Variants in SEMA3D observed in about 807,000 individuals in gnomAD.
SEMA3D encodes semaphorin 3D.
Under a neutral mutation model 100.1 loss-of-function variants are expected in SEMA3D, and 84 were observed. That is an observed-to-expected ratio of 0.84 (90% CI 0.70 to 1.01). The LOEUF (loss-of-function observed/expected upper bound fraction) is 1.01, where lower values mean the gene tolerates loss of function less well. SEMA3D is among the 50% of genes least tolerant of loss of function. The pLI, the probability that SEMA3D is intolerant of heterozygous loss-of-function variation, is 0.00. For synonymous variants in SEMA3D, 312 were observed against 320.7 expected (o/e 0.97, Z 0.29); for missense variants, 875 against 934.1 (o/e 0.94, Z 0.82).
chr7:85,027,135 A>C (rs572178945), intron 12 of SEMA3D, among the ~76,000 whole-genome samples: 7 of 152,114 alleles, frequency 4.6e-5, no homozygotes, highest in Non-Finnish European at 1.0e-4. Flanking sequence ...AGAGTAAAAA[A>C]GATCTTTCTA....
chr7:85,031,675 TG>T (rs1009096533), intron 12 of SEMA3D, among the ~76,000 whole-genome samples: 10 of 151,964 alleles, frequency 6.6e-5, no homozygotes, highest in Admixed American at 4.6e-4. Flanking sequence ...TTACCTTCGC[TG>T]GGCTTGTTTC....
At chr7:85,048,893 T>C (rs1323427344) in intron 9 of SEMA3D, among the ~76,000 whole-genome samples, 1 of 151,830 alleles carries the variant, frequency 6.6e-6, no homozygotes. Flanking sequence ...CAAATATCTC[T>C]TCACTTACTT....
the SEMA3D span, among the ~76,000 whole-genome samples, chr7:85,236,416 T>A: frequency 2.0e-5 from 3 of 151,816 alleles, no homozygotes; most frequent in East Asian, 5.8e-4. Context: ...CAAGCAATGC[T>A]CCTGTCTCAG....
intron 5 of SEMA3D, among the ~76,000 whole-genome samples, chr7:85,074,670 G>C (rs1043143930): frequency 6.6e-6 from 1 of 151,472 alleles, no homozygotes; most frequent in African/African-American, 2.4e-5. Context: ...GGCTGCTGGA[G>C]TAGTGGTGCG....
intron 2 of SEMA3D, among the ~76,000 whole-genome samples, chr7:85,127,950 C>T (rs1237381773): frequency 6.6e-6 from 1 of 151,748 alleles, no homozygotes; most frequent in African/African-American, 2.4e-5. Context: ...AATGTCTGCA[C>T]TCAAAACATA....
At chr7:85,174,305 T>A (rs1791166209) in intron 1 of SEMA3D, among the ~76,000 whole-genome samples, 1 of 152,138 alleles carries the variant, frequency 6.6e-6, no homozygotes, top group Non-Finnish European at 1.5e-5. Flanking sequence ...CAGTGACTAT[T>A]ACAGTGCCTG....
the SEMA3D span, among the ~76,000 whole-genome samples, chr7:85,201,330 C>A: frequency 6.6e-6 from 1 of 152,142 alleles, no homozygotes; most frequent in African/African-American, 2.4e-5. Context: ...CATTACAATT[C>A]CCCAGTAGTC....
the SEMA3D span, among the ~76,000 whole-genome samples, chr7:85,201,857 C>T: frequency 6.6e-6 from 1 of 152,010 alleles, no homozygotes; most frequent in African/African-American, 2.4e-5. Context: ...TCCTGAGTAG[C>T]TGGGACTACA....
chr7:85,047,418 A>T (rs1791040810), intron 9 of SEMA3D, among the ~76,000 whole-genome samples: 1 of 151,890 alleles, frequency 6.6e-6, no homozygotes, highest in African/African-American at 2.4e-5. Flanking sequence ...CAGCTGTCAC[A>T]CATGAACTTT....
At chr7:85,082,684 T>C (rs1366898409) in intron 4 of SEMA3D, among the ~76,000 whole-genome samples, 1 of 152,234 alleles carries the variant, frequency 6.6e-6, no homozygotes, top group African/African-American at 2.4e-5. Context: ...AAGTCATCAA[T>C]GTTTATATGA....
intron 18 of SEMA3D, among the ~76,000 whole-genome samples, chr7:85,003,254 C>T (rs1789702608): frequency 6.6e-6 from 1 of 151,886 alleles, no homozygotes; most frequent in African/African-American, 2.4e-5. Context: ...TATTATACCA[C>T]AAAACCGACA....
At chr7:85,033,205 T>C (rs1000673163) in intron 12 of SEMA3D, among the ~76,000 whole-genome samples, 18 of 152,144 alleles carry the variant, frequency 1.2e-4, no homozygotes, top group Non-Finnish European at 2.9e-5. Flanking sequence ...TCTTACAGCA[T>C]AAAGACTATA....
Position 85,015,202 on chromosome 7 carries a change from A to C in SEMA3D, c.1560T>G (p.Ile520Met). 1 of 1,609,124 alleles carries C rather than the reference A, an allele frequency of 6.2e-7. No individual in the cohort carries two copies. Among genetic ancestry groups the C allele is most frequent in the Non-Finnish European group, 8.5e-7 (1 of 1,176,378 alleles). The change falls in exon 16 of 19, where the codon ATT (isoleucine) becomes ATG (methionine). Residue 520 changes from isoleucine to methionine, a missense_variant. Ile to Met is a conservative substitution (Grantham distance 10). Coordinates refer to ENST00000284136, the MANE Select transcript of SEMA3D (RefSeq NM_001384900.1). ...ELSLKQQQLY[I>M]GSRDGLVQLS... Reference sequence around the variant, plus strand: ...GCTGAACCAATCCATCTCGGGAACCAATGTACAATTGTTGCTGCAAATCGG... The same window carrying C: ...GCTGAACCAATCCATCTCGGGAACCCATGTACAATTGTTGCTGCAAATCGG...
chr7:85,009,795 C>G (rs920092625), intron 17 of SEMA3D, among the ~76,000 whole-genome samples: 2 of 151,698 alleles, frequency 1.3e-5, no homozygotes, highest in East Asian at 1.9e-4. Flanking sequence ...ATCTGAATAT[C>G]CTTCCATTTA....
At chr7:85,225,766 T>A in the SEMA3D span, among the ~76,000 whole-genome samples, 1 of 151,816 alleles carries the variant, frequency 6.6e-6, no homozygotes, top group African/African-American at 2.4e-5. Context: ...GCCTGTATGC[T>A]CCCCTAGAGG....
chr7:85,020,015 C>T (rs1030441771), intron 14 of SEMA3D, among the ~76,000 whole-genome samples: 5 of 151,554 alleles, frequency 3.3e-5, no homozygotes, highest in African/African-American at 4.8e-5. Flanking sequence ...GAGGCAATCC[C>T]GGGAGCCCTG....
chr7:85,023,273 G>A (rs974171507), intron 12 of SEMA3D, among the ~76,000 whole-genome samples: 1 of 151,682 alleles, frequency 6.6e-6, no homozygotes, highest in African/African-American at 2.4e-5. Context: ...CCTGCCCCCT[G>A]GTGGTAAGAG....
chr7:85,166,960 A>G (rs1790923226), intron 1 of SEMA3D, among the ~76,000 whole-genome samples: 1 of 151,992 alleles, frequency 6.6e-6, no homozygotes, highest in Admixed American at 6.6e-5. Context: ...ACTATTATCT[A>G]AGTGATGGTG....
chr7:85,061,903 T>TG (rs1791488409), intron 8 of SEMA3D, among the ~76,000 whole-genome samples: 1 of 152,136 alleles, frequency 6.6e-6, no homozygotes, highest in Admixed American at 6.5e-5. Context: ...TGCCTAGGTC[T>TG]CCCTCATTGC....
Sources: gnomAD v4.1 joint callset for allele counts (sites outside exome capture counted in the v4.1 genomes callset) on GRCh38, gnomAD v4.1.1 for gene constraint, MANE v1.5 for transcripts, NCBI Gene and HGNC (gene_info 2026-07-23, HGNC 2026-07-21) for gene names.